PPP2R2B: variants seen among roughly 807,000 people sequenced by gnomAD.
PPP2R2B encodes protein phosphatase 2 regulatory subunit Bbeta, also known as serine/threonine-protein phosphatase 2A 55 kDa regulatory subunit B beta isoform.
Under a neutral mutation model 46.0 loss-of-function variants are expected in PPP2R2B, and 5 were observed. The observed-to-expected ratio is 0.11, with a 90% CI of 0.06 to 0.23. The LOEUF (loss-of-function observed/expected upper bound fraction) is 0.23, where lower values mean the gene tolerates loss of function less well. Among genes scored for constraint, PPP2R2B ranks in the 10% least tolerant of loss-of-function variants. PPP2R2B has a pLI of 1.00. For synonymous variants in PPP2R2B, 215 were observed against 206.7 expected (o/e 1.04, Z -0.34); for missense variants, 367 against 575.0 (o/e 0.64, Z 3.70).
At chr5:147,074,562 G>C (rs1395283862) in intron 2 of PPP2R2B, among the ~76,000 whole-genome samples, 2 of 152,144 alleles carry the variant, frequency 1.3e-5, no homozygotes, top group Admixed American at 1.3e-4. Flanking sequence ...TCTTTTTACT[G>C]CTTTGAGACA....
intron 1 of PPP2R2B, among the ~76,000 whole-genome samples, chr5:147,027,548 G>A (rs534709166): frequency 4.0e-4 from 60 of 150,622 alleles, no homozygotes; most frequent in African/African-American, 1.2e-3. Context: ...CAGGAGAATC[G>A]CTTGAACCAG....
At chr5:146,927,007 A>T (rs1582441592) in intron 1 of PPP2R2B, among the ~76,000 whole-genome samples, 1 of 152,194 alleles carries the variant, frequency 6.6e-6, no homozygotes, top group Middle Eastern at 3.4e-3. Context: ...GTCTCCTTCA[A>T]CATCTACAGA....
At chr5:146,747,967 C>T (rs74472521) in intron 2 of PPP2R2B, among the ~76,000 whole-genome samples, 1,636 of 152,156 alleles carry the variant, frequency 0.011, 14 homozygotes, top group Admixed American at 0.017. Flanking sequence ...TGGTTTAACC[C>T]GAGATGTTCC....
chr5:146,675,249 T>C (rs1449484728), intron 5 of PPP2R2B, among the ~76,000 whole-genome samples: 1 of 152,168 alleles, frequency 6.6e-6, no homozygotes, highest in Non-Finnish European at 1.5e-5. Flanking sequence ...TGTGAGCCAC[T>C]GCACCCCGCC....
Position 147,040,429 on chromosome 5 carries a change from T to A in PPP2R2B, c.79+15236A>T, listed in dbSNP as rs561353765. Among the ~76,000 whole-genome samples, 22 of 151,934 alleles carry A rather than the reference T, an allele frequency of 1.4e-4. No individual in the cohort carries two copies. In the South Asian group the frequency reaches 4.6e-3, roughly 32 times the overall value. On this transcript the variant is annotated intron_variant, in intron 1 of 8. Coordinates refer to the PPP2R2B transcript ENST00000336640. The stretch of plus-strand genomic sequence containing the variant: ...CTAGAAATACTGCAAATAAAGTGAA[T>A]TTGGAGGAGGCTGTTCCCAGCAGGT...
intron 7 of PPP2R2B, among the ~76,000 whole-genome samples, chr5:146,608,176 A>T (rs1772481252): frequency 6.6e-6 from 1 of 152,198 alleles, no homozygotes; most frequent in Non-Finnish European, 1.5e-5. Context: ...AATCAGCATG[A>T]ATAAATGCCT....
At chr5:146,651,122 T>G (rs1295922713) in intron 5 of PPP2R2B, among the ~76,000 whole-genome samples, 1 of 152,212 alleles carries the variant, frequency 6.6e-6, no homozygotes, top group African/African-American at 2.4e-5. Flanking sequence ...AATGTCTAGT[T>G]CAACTTTAAT....
chr5:147,034,470 C>T (rs1030853845), intron 1 of PPP2R2B, among the ~76,000 whole-genome samples: 1 of 152,052 alleles, frequency 6.6e-6, no homozygotes, highest in African/African-American at 2.4e-5. Context: ...TGTGGAATAT[C>T]GCAGTGAATG....
chr5:146,790,156 C>T (rs1756103252), intron 2 of PPP2R2B, among the ~76,000 whole-genome samples: 2 of 152,166 alleles, frequency 1.3e-5, no homozygotes, highest in South Asian at 4.2e-4. Context: ...GATTATCCAG[C>T]CCCAGATGCA....
At chr5:146,987,918 G>T (rs1475442589) in intron 1 of PPP2R2B, among the ~76,000 whole-genome samples, 1 of 151,918 alleles carries the variant, frequency 6.6e-6, no homozygotes, top group Non-Finnish European at 1.5e-5. Flanking sequence ...AAAGTGAAAG[G>T]ATGGAAAAAG....
chr5:146,800,917 TACACACAC>T (rs148564633), intron 2 of PPP2R2B, among the ~76,000 whole-genome samples: 85 of 145,426 alleles, frequency 5.8e-4, no homozygotes, highest in African/African-American at 1.7e-3. Context: ...TATGTGTACA[TACACACAC>T]ACACACACAC....
intron 2 of PPP2R2B, among the ~76,000 whole-genome samples, chr5:147,074,918 G>GA (rs1295258569): frequency 6.6e-6 from 1 of 152,106 alleles, no homozygotes; most frequent in Non-Finnish European, 1.5e-5. Context: ...TAGCAAAACA[G>GA]AATAAATGCC....
chr5:146,981,407 T>C (rs1753172636), intron 1 of PPP2R2B, among the ~76,000 whole-genome samples: 1 of 152,182 alleles, frequency 6.6e-6, no homozygotes, highest in Non-Finnish European at 1.5e-5. Context: ...AGTTTGAATC[T>C]ATTACTTAAA....
intron 1 of PPP2R2B, chr5:147,054,752 C>T (rs1756993358): frequency 4.4e-6 from 2 of 455,058 alleles, no homozygotes; most frequent in Admixed American, 2.4e-5. Flanking sequence ...GGAGTCACAA[C>T]ACCTCAGCAT....
At chr5:146,962,814 G>C (rs998006867) in intron 1 of PPP2R2B, among the ~76,000 whole-genome samples, 3 of 152,120 alleles carry the variant, frequency 2.0e-5, no homozygotes, top group Non-Finnish European at 4.4e-5. Flanking sequence ...TAGTGGCAGA[G>C]CTGGGACTCT....
In PPP2R2B at chr5:146,661,748, A is replaced by G. The variant is rs564590001; in HGVS notation, c.448-11024T>C. Reference sequence around the variant, plus strand: ...TTACCAACTCATGCAGAAACCTGTAATTCTGCCAGTTTTATCTTATTTTTT... The same window carrying G: ...TTACCAACTCATGCAGAAACCTGTAGTTCTGCCAGTTTTATCTTATTTTTT... On this transcript the variant is annotated intron_variant, in intron 5 of 9. Transcript: ENST00000394411. 2.0e-5 allele frequency among the ~76,000 whole-genome samples: 3 copies of G among 152,272 alleles called. No homozygotes were observed. In the East Asian group the frequency reaches 5.8e-4, roughly 29 times the overall value.
intron 2 of PPP2R2B, among the ~76,000 whole-genome samples, chr5:146,763,298 G>C (rs1754278081): frequency 6.6e-6 from 1 of 152,176 alleles, no homozygotes; most frequent in Admixed American, 6.5e-5. Flanking sequence ...AACCCACCAA[G>C]GGACAGCTTC....
chr5:146,798,051 G>A (rs1284950875), intron 2 of PPP2R2B, among the ~76,000 whole-genome samples: 1 of 152,098 alleles, frequency 6.6e-6, no homozygotes, highest in Non-Finnish European at 1.5e-5. Context: ...ACAGGCATTT[G>A]TCTTATTTTT....
At chr5:146,752,710 T>C (rs1753629210) in intron 2 of PPP2R2B, among the ~76,000 whole-genome samples, 1 of 152,166 alleles carries the variant, frequency 6.6e-6, no homozygotes, top group Non-Finnish European at 1.5e-5. Flanking sequence ...ATGGATTAAA[T>C]AGTATTGATT....
Sources: gnomAD v4.1 joint callset for allele counts (sites outside exome capture counted in the v4.1 genomes callset) on GRCh38, gnomAD v4.1.1 for gene constraint, MANE v1.5 for transcripts, NCBI Gene and HGNC (gene_info 2026-07-23, HGNC 2026-07-21) for gene names.